Variants in VRK2 observed in about 807,000 individuals in gnomAD.
VRK2 encodes the protein serine/threonine-protein kinase VRK2.
A neutral mutation model predicts 57.6 loss-of-function variants in VRK2; 60 were observed. The observed-to-expected ratio is 1.04, with a 90% confidence interval of 0.85 to 1.29. VRK2 has a LOEUF of 1.29. VRK2 is among the 50% of genes most tolerant of loss of function. The pLI is 0.00. For missense variants in VRK2, 705 were observed against 588.1 expected (o/e 1.20, Z -2.06); for synonymous variants, 231 against 199.2 (o/e 1.16, Z -1.35).
chr2:58,036,509 C>G (rs1334018973), intron 3 of VRK2, among the ~76,000 whole-genome samples: 1 of 151,992 alleles, frequency 6.6e-6, no homozygotes, highest in Non-Finnish European at 1.5e-5. Flanking sequence ...TCTACTCTAA[C>G]TCTTTCTATT....
intron 1 of VRK2, among the ~76,000 whole-genome samples, chr2:57,908,252 T>C (rs905187100): frequency 1.3e-5 from 2 of 152,194 alleles, no homozygotes; most frequent in Non-Finnish European, 2.9e-5. Flanking sequence ...ACACATCACG[T>C]ATGATTTAAA....
chr2:57,993,481 T>TAA (rs879272262), intron 1 of VRK2, among the ~76,000 whole-genome samples: 1,844 of 143,026 alleles, frequency 0.013, 52 homozygotes, highest in African/African-American at 0.045. Flanking sequence ...TGCTCTGCTT[T>TAA]AAAAAAAAAA....
chr2:58,159,649 C>T lies in VRK2; in HGVS notation c.1483C>T (p.Pro495Ser). ...ADVYYYRIII[P>S]VLLMLVFLAL... ...TGTTTATTATTATCGCATCATCATA[C>T]CTGTCCTTTTGATGTTAGTATTTCT... is the stretch of plus-strand genomic sequence containing the variant. Residue 495 changes from proline to serine, a missense_variant, in exon 13 of 13, where the codon CCT becomes TCT. Transcript: ENST00000340157. 6.2e-7 allele frequency: 1 copy of T among 1,613,646 alleles called. No homozygotes were observed. Among genetic ancestry groups the T allele is most frequent in the Non-Finnish European group, 8.5e-7 (1 of 1,179,710 alleles).
In VRK2 at chr2:58,077,626, A is replaced by G. The variant is rs1008157232; in HGVS notation, c.137-6463A>G. ...CTCTTAAACTAAAGATATTTCCATA[A>G]TAATCAAAGCATAGTAATTTTCTGG... is the stretch of plus-strand genomic sequence containing the variant. On this transcript the variant is annotated intron_variant, in intron 2 of 12. Transcript: ENST00000340157. 2.6e-5 allele frequency among the ~76,000 whole-genome samples: 4 copies of G among 152,076 alleles called. No individual in the cohort carries two copies. In the South Asian group the frequency reaches 6.2e-4, roughly 24 times the overall value.
rs993364611 is a variant in VRK2, at chr2:58,159,740, T to G, written c.*47T>G. ...TGATAATTTTTTAAGTTTCCAGCTC[T>G]TCACCGAAATGTTGTATTCTTATTT... On this transcript the variant is annotated 3_prime_UTR_variant, in exon 13 of 13. Coordinates refer to ENST00000340157, the MANE Select transcript of VRK2 (RefSeq NM_006296.7). 6.2e-7 allele frequency: 1 copy of G among 1,612,814 alleles called. No homozygotes were observed. Among genetic ancestry groups the G allele is most frequent in the African/African-American group, 1.3e-5 (1 of 74,864 alleles).
At chr2:58,157,549 T>C (rs543247131) in intron 12 of VRK2, among the ~76,000 whole-genome samples, 10 of 152,298 alleles carry the variant, frequency 6.6e-5, no homozygotes, top group African/African-American at 1.9e-4. Flanking sequence ...CAGTAGATTA[T>C]TGCATTGCCT....
chr2:58,068,805 C>A, intron 2 of VRK2, among the ~76,000 whole-genome samples: 1 of 105,100 alleles, frequency 9.5e-6, no homozygotes, highest in Non-Finnish European at 1.9e-5. Flanking sequence ...TATTGCACCC[C>A]CTCAGGAAAA....
intron 7 of VRK2, among the ~76,000 whole-genome samples, chr2:58,103,150 A>G (rs536068278): frequency 1.3e-4 from 19 of 151,662 alleles, no homozygotes; most frequent in African/African-American, 4.6e-4. Flanking sequence ...CAAATTAACC[A>G]AACATCACAT....
intron 2 of VRK2, among the ~76,000 whole-genome samples, chr2:58,075,130 T>A (rs1039520997): frequency 6.6e-6 from 1 of 152,148 alleles, no homozygotes; most frequent in Admixed American, 6.6e-5. Flanking sequence ...TGCTTATAAG[T>A]GAGGACATGC....
intron 2 of VRK2, among the ~76,000 whole-genome samples, chr2:58,072,574 A>T (rs1428850677): frequency 1.3e-5 from 2 of 151,854 alleles, no homozygotes; most frequent in Non-Finnish European, 2.9e-5. Context: ...TTGATTTTTG[A>T]ATGCTGAACC....
intron 7 of VRK2, among the ~76,000 whole-genome samples, chr2:58,119,296 G>A (rs1348836472): frequency 4.7e-5 from 7 of 150,380 alleles, no homozygotes; most frequent in Admixed American, 6.6e-5. Context: ...TCAGGAGTTC[G>A]AGACCAGCCT....
intron 7 of VRK2, among the ~76,000 whole-genome samples, chr2:58,095,726 T>C (rs532140665): frequency 6.6e-6 from 1 of 152,272 alleles, no homozygotes; most frequent in African/African-American, 2.4e-5. Flanking sequence ...GTTTTTCTTC[T>C]TTTACAGTTC....
chr2:58,063,991 C>T (rs1444800122), intron 2 of VRK2, among the ~76,000 whole-genome samples: 1 of 152,032 alleles, frequency 6.6e-6, no homozygotes, highest in Non-Finnish European at 1.5e-5. Context: ...ACAGAAATTG[C>T]AAGAGAACTG....
chr2:58,081,857 CGTGT>C (rs369430200), intron 2 of VRK2, among the ~76,000 whole-genome samples: 3,105 of 142,074 alleles, frequency 0.022, 55 homozygotes, highest in African/African-American at 0.051. Context: ...ATACCATGTC[CGTGT>C]GTGTGTGTGT....
At chr2:58,049,534 T>G (rs1675390030) in intron 2 of VRK2, among the ~76,000 whole-genome samples, 1 of 152,156 alleles carries the variant, frequency 6.6e-6, no homozygotes, top group South Asian at 2.1e-4. Flanking sequence ...GTGGTACAGG[T>G]AAGGAACCAT....
At chr2:58,031,667 C>A (rs562778571) in intron 2 of VRK2, among the ~76,000 whole-genome samples, 2 of 152,162 alleles carry the variant, frequency 1.3e-5, no homozygotes, top group African/African-American at 4.8e-5. Context: ...CTCTGAAAAT[C>A]TAGGTAAAAC....
At chr2:58,073,347 A>G (rs1465636067) in intron 2 of VRK2, among the ~76,000 whole-genome samples, 3 of 152,036 alleles carry the variant, frequency 2.0e-5, no homozygotes, top group Non-Finnish European at 2.9e-5. Context: ...TGTCAGTTCA[A>G]CCGTATTCTT....
intron 2 of VRK2, among the ~76,000 whole-genome samples, chr2:58,053,415 G>A (rs1676049544): frequency 6.6e-6 from 1 of 152,180 alleles, no homozygotes; most frequent in African/African-American, 2.4e-5. Context: ...GGATCATGTT[G>A]TCGGATTAGC....
chr2:58,071,540 A>G (rs1669360795), intron 2 of VRK2, among the ~76,000 whole-genome samples: 1 of 152,050 alleles, frequency 6.6e-6, no homozygotes, highest in Admixed American at 6.6e-5. Flanking sequence ...CATTTACTGA[A>G]AAGACTACAC....
Sources: allele counts gnomAD v4.1 joint callset (sites outside exome capture counted in the v4.1 genomes callset), GRCh38; gene constraint gnomAD v4.1.1; transcripts MANE v1.5; gene names NCBI Gene and HGNC (gene_info 2026-07-23, HGNC 2026-07-21).